HS1BP3: variants seen among roughly 807,000 people sequenced by gnomAD.
HS1BP3 encodes HCLS1-binding protein 3.
A neutral mutation model predicts 33.5 loss-of-function variants in HS1BP3; 32 were observed. That is an observed-to-expected ratio of 0.95 (90% CI 0.72 to 1.28). The LOEUF (loss-of-function observed/expected upper bound fraction) is 1.28. Ranked by LOEUF, HS1BP3 falls within the 50% of genes most tolerant of loss-of-function variation. The pLI is 0.00. For synonymous variants in HS1BP3, 187 were observed against 209.2 expected (o/e 0.89, Z 0.92); for missense variants, 486 against 502.3 (o/e 0.97, Z 0.31).
intron 4 of HS1BP3, among the ~76,000 whole-genome samples, chr2:20,633,926 A>G (rs1166677597): frequency 6.6e-6 from 1 of 152,262 alleles, no homozygotes; most frequent in Non-Finnish European, 1.5e-5. Context: ...GCTGCAGGGC[A>G]GCTGTGGCAC....
At chr2:20,640,152 G>A (rs1325254780) in intron 3 of HS1BP3, 2 of 152,338 alleles carry the variant, frequency 1.3e-5, no homozygotes, top group Non-Finnish European at 2.9e-5. Context: ...GTAAAGAGGG[G>A]AGAAGGGGTG....
At chr2:20,638,338 G>A (rs924900999) in intron 4 of HS1BP3, 98 bp downstream of exon 4, 5 of 1,229,958 alleles carry the variant, frequency 4.1e-6, no homozygotes, top group Non-Finnish European at 5.7e-6. Context: ...GGCGACCTGG[G>A]ATGCTCAGGG....
At chr2:20,606,674 C>A in intron 2 of HS1BP3, 1 of 386,030 alleles carries the variant, frequency 2.6e-6, no homozygotes, top group Non-Finnish European at 5.0e-6. Flanking sequence ...CAGAGAGCAG[C>A]GGTGAACGCT....
intron 6 of HS1BP3, among the ~76,000 whole-genome samples, chr2:20,620,092 C>T (rs1370374411): frequency 2.6e-5 from 4 of 152,258 alleles, no homozygotes; most frequent in South Asian, 2.1e-4. Context: ...TTCTCCAGAA[C>T]TTGATTTCTG....
rs1175248210 is a variant in HS1BP3, at chr2:20,650,926, C to A, written c.32+106G>T. ...TAAGCCACCGAGGGCGCTGGGGAGA[C>A]CTGCACCAGGTCCCTGGCCTAGGAG... On this transcript the variant is annotated intron_variant, in intron 1 of 6. Coordinates refer to ENST00000304031, the MANE Select transcript of HS1BP3 (RefSeq NM_022460.4). 10 of 1,022,442 alleles carry A rather than the reference C, an allele frequency of 9.8e-6. No homozygotes were observed. In the East Asian group the frequency reaches 3.3e-4, roughly 33 times the overall value. 63.3% of individuals were successfully genotyped at this position (1,022,442 alleles called of 1,614,324 possible). A position where few individuals can be genotyped will look rare whatever the true frequency, so the allele number is the denominator to read the frequency against.
At position 20,618,915 on chromosome 2, in the gene HS1BP3, G is replaced by T; in HGVS notation, c.*72C>A. 6.6e-7 allele frequency: 1 copy of T among 1,526,006 alleles called. No homozygotes were observed. The highest frequency in any genetic ancestry group is 8.8e-7 in the Non-Finnish European group (1 of 1,137,262). The allele number at this position is 1,526,006 out of a possible 1,614,324, so 94.5% of individuals were successfully genotyped here. ...GGGTGGGGAGGTTCTGACCCTGCAG[G>T]GCCCAGTCCCTTCCCTTCACACCGA... On this transcript the variant is annotated 3_prime_UTR_variant, in exon 7 of 7. Coordinates refer to ENST00000304031, the MANE Select transcript of HS1BP3 (RefSeq NM_022460.4).
downstream of HS1BP3, among the ~76,000 whole-genome samples, chr2:20,617,630 C>T (rs1205978373): frequency 6.6e-6 from 1 of 151,840 alleles, no homozygotes; most frequent in Admixed American, 6.5e-5. Flanking sequence ...TCCCTCAGGG[C>T]TGGCTTTGGT....
chr2:20,640,947 G>A, intron 3 of HS1BP3, 26 bp downstream of exon 3: 2 of 1,611,374 alleles, frequency 1.2e-6, no homozygotes, highest in Non-Finnish European at 1.7e-6. Context: ...GGAGACCTGA[G>A]GGACATGGGG....
intron 3 of HS1BP3, 69 bp from the exon 4 acceptor site, chr2:20,638,721 C>A (rs2149300678): frequency 1.6e-6 from 2 of 1,212,868 alleles, no homozygotes; most frequent in Non-Finnish European, 1.2e-6. Context: ...TCTTGCCACA[C>A]TGCACCCTCC....
chr2:20,576,937 G>T (rs1158200798), intron 5 of HS1BP3, among the ~76,000 whole-genome samples: 1 of 152,208 alleles, frequency 6.6e-6, no homozygotes. Flanking sequence ...CAAATGATGG[G>T]GAACAGAATT....
At chr2:20,646,286 C>T (rs1055549594) in intron 1 of HS1BP3, among the ~76,000 whole-genome samples, 10 of 152,184 alleles carry the variant, frequency 6.6e-5, no homozygotes, top group Non-Finnish European at 1.3e-4. Flanking sequence ...GTGGGGCACC[C>T]TCTGAGCAGC....
At chr2:20,575,513 C>G (rs959400898) in intron 5 of HS1BP3, among the ~76,000 whole-genome samples, 1 of 152,262 alleles carries the variant, frequency 6.6e-6, no homozygotes, top group Admixed American at 6.5e-5. Context: ...GCTGCCCAGC[C>G]ACACTCTGCC....
intron 4 of HS1BP3, among the ~76,000 whole-genome samples, chr2:20,631,796 G>A (rs115640095): frequency 1.1e-3 from 167 of 152,162 alleles, no homozygotes; most frequent in African/African-American, 4.0e-3. Context: ...AGGGAACCAC[G>A]TGGGTCCCAG....
At chr2:20,633,741 TTGAAC>T (rs1319851398) in intron 4 of HS1BP3, among the ~76,000 whole-genome samples, 7 of 152,244 alleles carry the variant, frequency 4.6e-5, no homozygotes, top group African/African-American at 1.7e-4. Context: ...CAGGCTGGTC[TTGAAC>T]TCCTGATCTC....
chr2:20,577,797 T>C (rs1045092819), intron 5 of HS1BP3, among the ~76,000 whole-genome samples: 2 of 152,174 alleles, frequency 1.3e-5, no homozygotes, highest in African/African-American at 2.4e-5. Flanking sequence ...GGGGGTATTG[T>C]CTAAGCTACA....
At chr2:20,604,567 C>T (rs889276527) in intron 2 of HS1BP3, among the ~76,000 whole-genome samples, 4 of 152,178 alleles carry the variant, frequency 2.6e-5, no homozygotes, top group African/African-American at 7.2e-5. Flanking sequence ...TCATGTTTCA[C>T]GTGAGCACCT....
intron 2 of HS1BP3, 72 bp downstream of exon 2, chr2:20,645,268 G>A: frequency 6.7e-7 from 1 of 1,482,652 alleles, no homozygotes; most frequent in Non-Finnish European, 9.2e-7. Flanking sequence ...CTTGAACCCT[G>A]GTGGGCAGAT....
chr2:20,629,937 A>C (rs1485351331), intron 4 of HS1BP3, among the ~76,000 whole-genome samples: 1 of 152,012 alleles, frequency 6.6e-6, no homozygotes, highest in African/African-American at 2.4e-5. Context: ...AGCATCCACC[A>C]CTCTGGCCAC....
At position 20,640,985 on chromosome 2, in the gene HS1BP3, G is replaced by T; in HGVS notation, c.394C>A (p.Leu132Ile). The change falls in exon 3 of 7, where the codon CTA becomes ATA. Residue 132 changes from leucine to isoleucine, a missense_variant. By Grantham distance (5) the Leu-to-Ile change is conservative. Coordinates refer to ENST00000304031, the MANE Select transcript of HS1BP3 (RefSeq NM_022460.4). Reference sequence around the variant, plus strand: ...GAGCCTTGGGTACCTAAGAACTCTAGCAGCTCTGGGCTGCCTGCCAACTCG... The same window carrying T: ...GAGCCTTGGGTACCTAAGAACTCTATCAGCTCTGGGCTGCCTGCCAACTCG... ...DAELAGSPEL[L>I]EFLGTRSPGA... 6.2e-7 allele frequency: 1 copy of T among 1,614,164 alleles called. No homozygotes were observed. Among genetic ancestry groups the T allele is most frequent in the Non-Finnish European group, 8.5e-7 (1 of 1,180,002 alleles).
Sources: allele counts gnomAD v4.1 joint callset (sites outside exome capture counted in the v4.1 genomes callset), GRCh38; gene constraint gnomAD v4.1.1; transcripts MANE v1.5; gene names NCBI Gene and HGNC (gene_info 2026-07-23, HGNC 2026-07-21).